Variants in METTL6 observed in about 807,000 individuals in gnomAD.
The protein encoded by METTL6 is tRNA N(3)-cytidine methyltransferase METTL6.
METTL6 carries 22 observed loss-of-function variants against 26.4 expected under a neutral mutation model. That is an observed-to-expected ratio of 0.83 (90% CI 0.59 to 1.19). The LOEUF (loss-of-function observed/expected upper bound fraction) is 1.19, where lower values mean the gene tolerates loss of function less well. Among genes scored for constraint, METTL6 ranks in the 50% most tolerant of loss-of-function variants. The pLI is 0.00. For synonymous variants in METTL6, 109 were observed against 116.2 expected, an observed-to-expected ratio of 0.94 and a Z score of 0.40; for missense variants, 304 against 324.8, an observed-to-expected ratio of 0.94 and a Z score of 0.49.
chr3:15,426,304 G>A lies in METTL6; in HGVS notation c.208C>T (p.Leu70=). The A allele has an allele frequency of 6.2e-7, 1 of 1,614,048 alleles. No homozygotes were observed. Among genetic ancestry groups the A allele is most frequent in the Non-Finnish European group, 8.5e-7 (1 of 1,179,940 alleles). Residue 70 remains leucine, a synonymous_variant, in exon 2 of 6, where the codon CTA becomes TTA. Transcript: ENST00000383790. Reference sequence around the variant, plus strand: ...TAGCTTACCTCTCTACATGATCTTAGCTCCTCAAACTCTCTGGTGGTCCAG... The same window carrying A: ...TAGCTTACCTCTCTACATGATCTTAACTCCTCAAACTCTCTGGTGGTCCAG... ...RHWTTREFEE[L]RSCREFEDQK...
In METTL6 at chr3:15,409,901, AAT is replaced by A. The variant is rs1472659319; in HGVS notation, c.*1353_*1354del. 6.6e-6 allele frequency among the ~76,000 whole-genome samples: 1 copy of A among 152,162 alleles called. No individual in the cohort carries two copies. The highest frequency in any genetic ancestry group is 2.4e-5 in the African/African-American group (1 of 41,444). Reference sequence around the variant, plus strand: ...AAACAGAACACTCCTTTAGGCTAGAAATATATATGAGTGTCTTATTTTAGTCT... The same window carrying A: ...AAACAGAACACTCCTTTAGGCTAGAAATATATGAGTGTCTTATTTTAGTCT... On this transcript the variant is annotated 3_prime_UTR_variant, in exon 6 of 6. Transcript: ENST00000383790.
intron 6 of METTL6, among the ~76,000 whole-genome samples, chr3:15,393,334 G>C (rs1362352266): frequency 6.6e-6 from 1 of 152,138 alleles, no homozygotes; most frequent in Non-Finnish European, 1.5e-5. Flanking sequence ...TGTGATTTTT[G>C]CACATCGATT....
chr3:15,414,923 AAAAT>A (rs780964880), intron 4 of METTL6: 36 of 1,148,202 alleles, frequency 3.1e-5, no homozygotes, highest in African/African-American at 1.3e-4. Context: ...CCCTGTCTCA[AAAAT>A]AAATAAATAA....
intron 6 of METTL6, among the ~76,000 whole-genome samples, chr3:15,392,703 C>G (rs1303122977): frequency 6.6e-6 from 1 of 152,154 alleles, no homozygotes; most frequent in Non-Finnish European, 1.5e-5. Context: ...CCAGTTTCAG[C>G]TTTCTACATA....
At chr3:15,404,660 A>T in intron 6 of METTL6, among the ~76,000 whole-genome samples, 1 of 151,620 alleles carries the variant, frequency 6.6e-6, no homozygotes, top group East Asian at 1.9e-4. Context: ...CCTTATTTTT[A>T]AATTTTTATT....
At position 15,424,925 on chromosome 3, in the gene METTL6, CACAGCAGAAT is replaced by C. The variant is rs1559499664; in HGVS notation, c.360+20_360+29del. Reference sequence around the variant, plus strand: ...AACAAGATCGGCAAGAAAACAGAAACACAGCAGAATACATAGATGGTGCACCAACCTTAAC... The same window carrying C: ...AACAAGATCGGCAAGAAAACAGAAACACATAGATGGTGCACCAACCTTAAC... On this transcript the variant is annotated intron_variant, in intron 3 of 5. Transcript: ENST00000383790. The C allele has an allele frequency of 6.2e-7, 1 of 1,610,408 alleles. No homozygotes were observed. The highest frequency in any genetic ancestry group is 1.1e-5 in the South Asian group (1 of 90,314).
downstream of METTL6, among the ~76,000 whole-genome samples, chr3:15,408,031 A>T (rs1317861186): frequency 5.9e-5 from 9 of 152,112 alleles, no homozygotes; most frequent in Admixed American, 2.0e-4. Context: ...GGATAAGATT[A>T]TTTTCCTGGC....
At chr3:15,399,289 A>G (rs889547924) in intron 6 of METTL6, 3 of 150,670 alleles carry the variant, frequency 2.0e-5, no homozygotes, top group African/African-American at 4.9e-5. Context: ...AAAAATAGCC[A>G]ACTAGCAGCC....
intron 6 of METTL6, among the ~76,000 whole-genome samples, chr3:15,391,128 C>T (rs1469419130): frequency 6.6e-6 from 1 of 152,236 alleles, no homozygotes; most frequent in Non-Finnish European, 1.5e-5. Flanking sequence ...TCTCTGCTTA[C>T]TGCTCAGCCA....
At chr3:15,417,704 T>C (rs2061519031) in intron 3 of METTL6, among the ~76,000 whole-genome samples, 1 of 151,704 alleles carries the variant, frequency 6.6e-6, no homozygotes, top group Non-Finnish European at 1.5e-5. Flanking sequence ...GACAAAAAGG[T>C]AGATAATAAA....
chr3:15,408,757 CAT>C (rs1699869579), downstream of METTL6, among the ~76,000 whole-genome samples: 1 of 151,774 alleles, frequency 6.6e-6, no homozygotes. Flanking sequence ...TTATTTTTTT[CAT>C]AGAGATGGGG....
At chr3:15,406,411 G>A (rs1699785273), downstream of METTL6, among the ~76,000 whole-genome samples, 2 of 151,316 alleles carry the variant, frequency 1.3e-5, no homozygotes, top group Admixed American at 6.6e-5. Flanking sequence ...TTTTAGGTTT[G>A]GCCTTTAATA....
At chr3:15,382,395 A>G (rs990603931) in exon 7 of METTL6, 22 of 152,412 alleles carry the variant, frequency 1.4e-4, no homozygotes, top group African/African-American at 4.6e-4. Context: ...AGACTAGACC[A>G]GGCACCATGG....
chr3:15,390,922 T>C (rs1270162946), intron 6 of METTL6, among the ~76,000 whole-genome samples: 3 of 150,962 alleles, frequency 2.0e-5, no homozygotes, highest in Non-Finnish European at 4.4e-5. Flanking sequence ...CATGAACAGA[T>C]TGAAGGGTAG....
At chr3:15,416,122 C>T (rs1023871868) in intron 3 of METTL6, among the ~76,000 whole-genome samples, 180 bp from the exon 4 acceptor site, 1 of 152,216 alleles carries the variant, frequency 6.6e-6, no homozygotes, top group African/African-American at 2.4e-5. Context: ...ACTACTGCTA[C>T]AGGAGCAAGA....
chr3:15,415,346 A>C (rs560177727), intron 4 of METTL6, among the ~76,000 whole-genome samples: 1 of 152,292 alleles, frequency 6.6e-6, no homozygotes, highest in South Asian at 2.1e-4. Flanking sequence ...TTTTTTAGAC[A>C]AGGTCTTGCT....
exon 7 of METTL6, chr3:15,382,819 T>G (rs904825807): frequency 6.6e-6 from 1 of 150,484 alleles, no homozygotes; most frequent in African/African-American, 2.5e-5. Flanking sequence ...GGACATTCTA[T>G]CATTTGCAAC....
At chr3:15,415,487 A>G (rs768463680) in intron 4 of METTL6, 2 of 1,586,108 alleles carry the variant, frequency 1.3e-6, no homozygotes, top group Non-Finnish European at 1.7e-6. Context: ...CTAAACCATA[A>G]CTCCTCTCAC....
At position 15,414,358 on chromosome 3, in the gene METTL6, T is replaced by C. The variant is rs1241695964; in HGVS notation, c.532-196A>G. On this transcript the variant is annotated intron_variant, in intron 4 of 5. Transcript: ENST00000383790. Reference sequence around the variant, plus strand: ...GGGCTCCATAACACTAAGACACTTCTTTTTTTTTTTTTTTTGAGATGGAGT... The same window carrying C: ...GGGCTCCATAACACTAAGACACTTCCTTTTTTTTTTTTTTTGAGATGGAGT... 4 of 65,256 alleles carry C rather than the reference T, an allele frequency of 6.1e-5. No individual in the cohort carries two copies. The South Asian group carries it at 1.6e-3, about 25-fold the overall frequency. The allele number at this position is 65,256 out of a possible 1,614,324, so 4.0% of individuals were successfully genotyped here.
Sources: gnomAD v4.1 joint callset for allele counts (sites outside exome capture counted in the v4.1 genomes callset) on GRCh38, gnomAD v4.1.1 for gene constraint, MANE v1.5 for transcripts, NCBI Gene and HGNC (gene_info 2026-07-23, HGNC 2026-07-21) for gene names.